SUPT16H: variants seen among roughly 807,000 people sequenced by gnomAD.
SUPT16H encodes the protein FACT complex subunit SPT16.
A neutral mutation model predicts 136.2 loss-of-function variants in SUPT16H; 24 were observed. The observed-to-expected ratio is 0.18, with a 90% CI of 0.13 to 0.25. The LOEUF is 0.25. SUPT16H is among the 10% of genes least tolerant of loss of function. The probability of loss-of-function intolerance (pLI) is 1.00; values close to 1 mark genes in which losing one functional copy is unlikely to be tolerated. For synonymous variants in SUPT16H, 415 were observed against 428.2 expected, an observed-to-expected ratio of 0.97 and a Z score of 0.38; for missense variants, 623 against 1,270.2, an observed-to-expected ratio of 0.49 and a Z score of 7.74.
intron 4 of SUPT16H, 116 bp from the exon 5 acceptor site, chr14:21,370,012 G>A: frequency 8.1e-7 from 1 of 1,227,964 alleles, no homozygotes; most frequent in South Asian, 1.4e-5. Context: ...ACTATCACTG[G>A]TTTGCAGAAT....
At chr14:21,383,560 T>G (rs1365751607) in intron 1 of SUPT16H, 4 of 683,028 alleles carry the variant, frequency 5.9e-6, no homozygotes, top group East Asian at 2.7e-5. Flanking sequence ...GACCACGGAG[T>G]AGGAGGGAAG....
intron 13 of SUPT16H, 37 bp from the exon 14 acceptor site, chr14:21,362,984 C>T (rs775072054): frequency 5.6e-6 from 9 of 1,613,026 alleles, no homozygotes; most frequent in Non-Finnish European, 6.8e-6. Context: ...GAAATTTCTG[C>T]AGTCCCACAG....
Position 21,368,783 on chromosome 14 carries a change from T to C in SUPT16H, c.783-342A>G, listed in dbSNP as rs112236001. Among the ~76,000 whole-genome samples the C allele has an allele frequency of 5.3e-5, 8 of 152,256 alleles. No individual in the cohort carries two copies. The South Asian group carries it at 1.7e-3, about 32-fold the overall frequency. On this transcript the variant is annotated intron_variant, in intron 6 of 25. Transcript: ENST00000216297. ...CCATTAGTCCTCTATGAATTGTGAGTTGTAATTAGTCTTAAGTTAAATGAG... is the reference window on the plus strand; with the variant it reads ...CCATTAGTCCTCTATGAATTGTGAGCTGTAATTAGTCTTAAGTTAAATGAG...
chr14:21,363,837 C>T (rs1013045250), intron 10 of SUPT16H, among the ~76,000 whole-genome samples: 5 of 152,126 alleles, frequency 3.3e-5, no homozygotes, highest in Non-Finnish European at 5.9e-5. Flanking sequence ...CACCACCACA[C>T]CTGGCTAATT....
chr14:21,366,629 C>A, intron 7 of SUPT16H, 100 bp from the exon 8 acceptor site: 2 of 1,106,060 alleles, frequency 1.8e-6, no homozygotes, highest in South Asian at 1.4e-5. Flanking sequence ...CAGTGTTTCT[C>A]AAAGTGTGAA....
intron 10 of SUPT16H, among the ~76,000 whole-genome samples, 185 bp downstream of exon 10, chr14:21,364,642 T>C (rs891857946): frequency 5.3e-5 from 8 of 152,170 alleles, no homozygotes; most frequent in Non-Finnish European, 8.8e-5. Flanking sequence ...CAATATGATT[T>C]AAAGGTTTAT....
At chr14:21,354,802 G>C (rs548228499) in intron 22 of SUPT16H, 2 of 280,710 alleles carry the variant, frequency 7.1e-6, no homozygotes, top group Admixed American at 9.8e-5. Context: ...ATGTTGGTCA[G>C]GCTGGTCTAG....
chr14:21,357,758 G>C (rs895510915), intron 21 of SUPT16H, among the ~76,000 whole-genome samples, 169 bp downstream of exon 21: 1 of 152,090 alleles, frequency 6.6e-6, no homozygotes. Context: ...TTACAGGTGT[G>C]AGCCATTATG....
chr14:21,361,446 A>T, intron 15 of SUPT16H: 1 of 542,622 alleles, frequency 1.8e-6, no homozygotes. Flanking sequence ...CCTTCCAAGT[A>T]CCTGGGATTA....
At chr14:21,357,396 A>G (rs376178531) in intron 21 of SUPT16H, 30 bp from the exon 22 acceptor site, 28 of 1,529,532 alleles carry the variant, frequency 1.8e-5, no homozygotes, top group South Asian at 5.1e-5. Flanking sequence ...TCATTAGCAT[A>G]TAAGTATTTC....
At chr14:21,366,583 G>A (rs958632400) in intron 7 of SUPT16H, 54 bp from the exon 8 acceptor site, 5 of 1,545,314 alleles carry the variant, frequency 3.2e-6, no homozygotes, top group Non-Finnish European at 2.7e-6. Context: ...AAAAAACTCA[G>A]TAACATTTTA....
chr14:21,377,115 T>C lies in SUPT16H; in HGVS notation c.67-3685A>G, dbSNP rs149613937. The stretch of plus-strand genomic sequence containing the variant: ...AAAAAAAGATCAACAATGAACAGAT[T>C]TAACCAAAGAGGTCTAAACCTTACT... On this transcript the variant is annotated intron_variant, in intron 1 of 25. Coordinates refer to ENST00000216297, the MANE Select transcript of SUPT16H (RefSeq NM_007192.4). Among the ~76,000 whole-genome samples the C allele has an allele frequency of 5.1e-3, 765 of 150,278 alleles. 5 individuals carry two copies. The highest frequency in any genetic ancestry group is 9.0e-3 in the Admixed American group (136 of 15,120).
rs771987280 is a variant in SUPT16H at position 21,366,422 on chromosome 14, T to C, written c.1046+17A>G. On this transcript the variant is annotated intron_variant, in intron 8 of 25. Coordinates refer to ENST00000216297, the MANE Select transcript of SUPT16H (RefSeq NM_007192.4). ...CTGAAAACTGACTCAAGAATGACAA[T>C]AGACATCATGGCATACCCTAGGTTT... 52 of 1,610,886 alleles carry C rather than the reference T, an allele frequency of 3.2e-5. No homozygotes were observed. Among genetic ancestry groups the C allele is most frequent in the East Asian group, 4.5e-5 (2 of 44,852 alleles).
chr14:21,354,238 T>TA (rs1257507904), intron 23 of SUPT16H, among the ~76,000 whole-genome samples, 173 bp downstream of exon 23: 5 of 152,212 alleles, frequency 3.3e-5, no homozygotes, highest in Non-Finnish European at 5.9e-5. Flanking sequence ...TGTCAGGAGT[T>TA]AGTTACCACT....
intron 18 of SUPT16H, among the ~76,000 whole-genome samples, chr14:21,359,997 C>T (rs1422834751): frequency 6.6e-6 from 1 of 152,142 alleles, no homozygotes; most frequent in Non-Finnish European, 1.5e-5. Flanking sequence ...TTATTTAATC[C>T]TCTTAAATGT....
intron 1 of SUPT16H, among the ~76,000 whole-genome samples, chr14:21,376,358 T>C (rs1052598283): frequency 1.3e-5 from 2 of 152,172 alleles, no homozygotes; most frequent in Non-Finnish European, 2.9e-5. Flanking sequence ...CTGGTCATTC[T>C]GAGCTATAAT....
At chr14:21,355,009 C>T (rs1886396386) in intron 22 of SUPT16H, 1 of 153,256 alleles carries the variant, frequency 6.5e-6, no homozygotes, top group Non-Finnish European at 1.5e-5. Context: ...AAGCTTTCTC[C>T]TTCACCTGAG....
chr14:21,362,789 A>G lies in SUPT16H; in HGVS notation c.1665+5T>C. 6.3e-7 allele frequency: 1 copy of G among 1,597,622 alleles called. No homozygotes were observed. The highest frequency in any genetic ancestry group is 8.5e-7 in the Non-Finnish European group (1 of 1,175,284). ...GATGAAACCTGATGCACTGAATGTC[A>G]GTACCTTGATTGTGGCAATGTGAAA... On this transcript the variant is annotated splice_donor_5th_base_variant and intron_variant, in intron 14 of 25. Coordinates refer to ENST00000216297, the MANE Select transcript of SUPT16H (RefSeq NM_007192.4).
intron 1 of SUPT16H, among the ~76,000 whole-genome samples, chr14:21,373,767 G>A (rs1288031829): frequency 6.6e-6 from 1 of 152,056 alleles, no homozygotes; most frequent in Non-Finnish European, 1.5e-5. Flanking sequence ...GACTCTTGTT[G>A]CCCAGGCTGG....
Sources: allele counts gnomAD v4.1 joint callset (sites outside exome capture counted in the v4.1 genomes callset), GRCh38; gene constraint gnomAD v4.1.1; transcripts MANE v1.5; gene names NCBI Gene and HGNC (gene_info 2026-07-23, HGNC 2026-07-21).